RGS5: variants seen among roughly 807,000 people sequenced by gnomAD.
The protein encoded by RGS5 is regulator of G protein signaling 5.
A neutral mutation model predicts 18.9 loss-of-function variants in RGS5; 20 were observed. That is an observed-to-expected ratio of 1.06 (90% CI 0.74 to 1.54). The LOEUF (loss-of-function observed/expected upper bound fraction) is 1.54. Ranked by LOEUF, RGS5 falls within the 40% of genes most tolerant of loss-of-function variation. The pLI is 0.00. For synonymous variants in RGS5, 57 were observed against 76.2 expected (o/e 0.75, Z 1.31); for missense variants, 201 against 211.8 (o/e 0.95, Z 0.32).
intron 3 of RGS5, among the ~76,000 whole-genome samples, chr1:163,161,303 T>G (rs974405070): frequency 6.6e-6 from 1 of 152,086 alleles, no homozygotes; most frequent in Admixed American, 6.6e-5. Flanking sequence ...TCAGTAAGGA[T>G]TTTGGATTGG....
chr1:163,316,055 T>C (rs1650011720), intron 1 of RGS5, among the ~76,000 whole-genome samples: 1 of 152,236 alleles, frequency 6.6e-6, no homozygotes, highest in Non-Finnish European at 1.5e-5. Flanking sequence ...ACTTTCAAAA[T>C]ATCTATGGCC....
chr1:163,176,343 C>T (rs188323947), intron 1 of RGS5, among the ~76,000 whole-genome samples: 144 of 152,220 alleles, frequency 9.5e-4, no homozygotes, highest in African/African-American at 3.3e-3. Context: ...CTGTGCAGGC[C>T]GGGTGCAGTG....
chr1:163,236,900 G>C (rs1465133900), intron 2 of RGS5, among the ~76,000 whole-genome samples: 1 of 151,740 alleles, frequency 6.6e-6, no homozygotes, highest in Non-Finnish European at 1.5e-5. Context: ...GGTGGAGGTG[G>C]CAGTGAGCTG....
intron 2 of RGS5, chr1:163,237,497 C>A (rs889957029): frequency 2.6e-5 from 4 of 152,194 alleles, no homozygotes; most frequent in African/African-American, 9.7e-5. Context: ...CCAGTCTGGG[C>A]AACATGGTGA....
intron 2 of RGS5, among the ~76,000 whole-genome samples, chr1:163,254,783 C>T (rs1448289938): frequency 6.6e-6 from 1 of 151,678 alleles, no homozygotes; most frequent in African/African-American, 2.4e-5. Flanking sequence ...GGTTTTAGGT[C>T]TAACGTTTAA....
intron 1 of RGS5, among the ~76,000 whole-genome samples, chr1:163,189,080 T>G (rs575994982): frequency 6.6e-6 from 1 of 151,758 alleles, no homozygotes; most frequent in Non-Finnish European, 1.5e-5. Context: ...CTGCTTAGAG[T>G]GCAGGCCACG....
intron 1 of RGS5, among the ~76,000 whole-genome samples, chr1:163,308,254 G>GT (rs552590614): frequency 3.3e-5 from 5 of 152,104 alleles, no homozygotes; most frequent in Non-Finnish European, 7.4e-5. Flanking sequence ...CATAGAAACT[G>GT]TGCCATTCTA....
At chr1:163,209,503 C>T (rs1660049371) in intron 1 of RGS5, among the ~76,000 whole-genome samples, 1 of 152,054 alleles carries the variant, frequency 6.6e-6, no homozygotes, top group Admixed American at 6.5e-5. Flanking sequence ...CATCCTATCC[C>T]AAGACAGGAA....
chr1:163,265,621 A>G (rs1484674353), intron 2 of RGS5, among the ~76,000 whole-genome samples: 1 of 152,086 alleles, frequency 6.6e-6, no homozygotes, highest in African/African-American at 2.4e-5. Context: ...TCAAAAGATT[A>G]TGTATTCTTT....
chr1:163,195,843 C>CT (rs780956805), intron 1 of RGS5, among the ~76,000 whole-genome samples: 78 of 152,144 alleles, frequency 5.1e-4, no homozygotes, highest in Non-Finnish European at 9.7e-4. Context: ...CTACTAAAAA[C>CT]TAGTCACCTT....
chr1:163,225,366 A>T (rs1463112767), intron 2 of RGS5, among the ~76,000 whole-genome samples: 3 of 152,106 alleles, frequency 2.0e-5, no homozygotes, highest in Non-Finnish European at 4.4e-5. Context: ...TTCCCAATGG[A>T]TCTATGGGGG....
At chr1:163,263,261 G>C (rs768579606) in intron 2 of RGS5, among the ~76,000 whole-genome samples, 1 of 152,162 alleles carries the variant, frequency 6.6e-6, no homozygotes, top group Non-Finnish European at 1.5e-5. Context: ...ATTTCCCTAA[G>C]AGAGGACCCT....
At chr1:163,149,130 T>C (rs1657272035) in intron 4 of RGS5, among the ~76,000 whole-genome samples, 1 of 152,154 alleles carries the variant, frequency 6.6e-6, no homozygotes, top group South Asian at 2.1e-4. Context: ...TCAATGTACT[T>C]TATGCAGGCC....
chr1:163,179,799 T>C (rs1055446702), intron 1 of RGS5, among the ~76,000 whole-genome samples: 11 of 152,210 alleles, frequency 7.2e-5, no homozygotes, highest in African/African-American at 2.4e-4. Flanking sequence ...ATATTTACTA[T>C]ATAAATGAGA....
Position 163,202,803 on chromosome 1 carries a change from TG to T in RGS5, c.32del (p.Ser11TyrfsTer72), listed in dbSNP as rs768499934. On this transcript the variant is annotated frameshift_variant, in exon 1 of 5. Coordinates refer to ENST00000313961, the MANE Select transcript of RGS5 (RefSeq NM_003617.4). LOFTEE classifies it high-confidence loss of function. ...AACTTGGTTCTCACCTTTCCAGGCA[TG>T]AGTGGGGCAAAGCTGCAAGTCCTTT... MCKGLAALPH[S>X]CLERAKEIKI... 2 of 1,613,580 alleles carry T rather than the reference TG, an allele frequency of 1.2e-6. No individual in the cohort carries two copies. The highest frequency in any genetic ancestry group is 2.2e-5 in the South Asian group (2 of 91,052).
intron 2 of RGS5, among the ~76,000 whole-genome samples, chr1:163,290,544 G>T (rs1402844606): frequency 6.6e-6 from 1 of 151,280 alleles, no homozygotes; most frequent in East Asian, 1.9e-4. Context: ...TGCCAGCAGG[G>T]GTTTATTTAT....
chr1:163,244,905 T>C (rs1275818771), intron 2 of RGS5: 2 of 152,210 alleles, frequency 1.3e-5, no homozygotes, highest in Non-Finnish European at 2.9e-5. Flanking sequence ...TGGTTTCATC[T>C]AGAGTTCTAC....
upstream of RGS5, among the ~76,000 whole-genome samples, chr1:163,205,623 GC>G (rs905438757): frequency 2.6e-4 from 39 of 152,166 alleles, no homozygotes; most frequent in African/African-American, 9.4e-4. Flanking sequence ...TCAGGGGGGT[GC>G]TTCAAAGAGA....
At chr1:163,237,162 CAT>C (rs1346706318) in intron 2 of RGS5, 1 of 152,484 alleles carries the variant, frequency 6.6e-6, no homozygotes, top group Non-Finnish European at 1.5e-5. Flanking sequence ...GGGAATGAAA[CAT>C]GGATGCGGCA....
Sources: allele counts gnomAD v4.1 joint callset (sites outside exome capture counted in the v4.1 genomes callset), GRCh38; gene constraint gnomAD v4.1.1; transcripts MANE v1.5; gene names NCBI Gene and HGNC (gene_info 2026-07-23, HGNC 2026-07-21).